GPC6: variants seen among roughly 807,000 people sequenced by gnomAD.
GPC6 encodes the protein glypican-6.
Under a neutral mutation model 55.2 loss-of-function variants are expected in GPC6, and 14 were observed. That is an observed-to-expected ratio of 0.25 (90% confidence interval 0.17 to 0.40). The LOEUF (loss-of-function observed/expected upper bound fraction) is 0.40, where lower values mean the gene tolerates loss of function less well. Among genes scored for constraint, GPC6 ranks in the 10% least tolerant of loss-of-function variants. GPC6 has a pLI of 1.00. For missense variants in GPC6, 641 were observed against 708.5 expected (o/e 0.90, Z 1.08); for synonymous variants, 278 against 259.6 (o/e 1.07, Z -0.68).
chr13:93,792,449 T>A (rs1426814368), intron 2 of GPC6, among the ~76,000 whole-genome samples: 1 of 152,240 alleles, frequency 6.6e-6, no homozygotes, highest in Non-Finnish European at 1.5e-5. Context: ...TAGCTGGGAA[T>A]ACAGGTGTGT....
chr13:94,072,481 G>C (rs910490851), intron 4 of GPC6, among the ~76,000 whole-genome samples: 2 of 152,126 alleles, frequency 1.3e-5, no homozygotes, highest in Non-Finnish European at 2.9e-5. Context: ...AGCCTGCCAA[G>C]TAGCTGGGAC....
At chr13:93,289,498 G>GA (rs2139078188) in intron 1 of GPC6, among the ~76,000 whole-genome samples, 1 of 152,144 alleles carries the variant, frequency 6.6e-6, no homozygotes, top group East Asian at 1.9e-4. Flanking sequence ...CTCTTTTTAA[G>GA]AAAAATAATG....
At chr13:93,939,507 A>G (rs1308629402) in intron 3 of GPC6, among the ~76,000 whole-genome samples, 1 of 151,928 alleles carries the variant, frequency 6.6e-6, no homozygotes, top group Non-Finnish European at 1.5e-5. Context: ...TATATAGGAG[A>G]AGAAAATGCC....
At chr13:93,344,580 C>G (rs190459824) in intron 1 of GPC6, among the ~76,000 whole-genome samples, 18 of 152,280 alleles carry the variant, frequency 1.2e-4, no homozygotes, top group East Asian at 1.2e-3. Context: ...GTGGTTTATT[C>G]TTTCTACAGC....
chr13:93,500,263 A>T (rs1880471612), intron 1 of GPC6, among the ~76,000 whole-genome samples: 1 of 152,202 alleles, frequency 6.6e-6, no homozygotes, highest in African/African-American at 2.4e-5. Flanking sequence ...GATTTATCTG[A>T]TGATTCCTGT....
chr13:93,799,136 A>G (rs993145305), intron 2 of GPC6, among the ~76,000 whole-genome samples: 3 of 152,110 alleles, frequency 2.0e-5, no homozygotes, highest in South Asian at 4.2e-4. Context: ...AAGCAAAAGT[A>G]ACTGCAAATG....
intron 2 of GPC6, among the ~76,000 whole-genome samples, chr13:93,818,074 C>T (rs1886924029): frequency 6.8e-6 from 1 of 146,738 alleles, no homozygotes; most frequent in Non-Finnish European, 1.5e-5. Flanking sequence ...TAATATAAAT[C>T]ATATATATTT....
chr13:93,622,387 A>AT (rs933551326), intron 2 of GPC6, among the ~76,000 whole-genome samples: 11 of 151,962 alleles, frequency 7.2e-5, no homozygotes, highest in Non-Finnish European at 1.5e-4. Context: ...TACATGCCAC[A>AT]TTTTTTTCAA....
intron 1 of GPC6, among the ~76,000 whole-genome samples, chr13:93,518,174 A>G (rs1318161341): frequency 6.6e-6 from 1 of 151,898 alleles, no homozygotes; most frequent in Admixed American, 6.6e-5. Flanking sequence ...TTTTATGTCT[A>G]TCGAAGAGAA....
At chr13:93,650,136 T>A (rs1566468521) in intron 2 of GPC6, among the ~76,000 whole-genome samples, 1 of 152,140 alleles carries the variant, frequency 6.6e-6, no homozygotes, top group African/African-American at 2.4e-5. Flanking sequence ...TCAAATAATC[T>A]ACATTTTTTT....
chr13:93,318,101 G>C (rs1237524891), intron 1 of GPC6, among the ~76,000 whole-genome samples: 1 of 152,136 alleles, frequency 6.6e-6, no homozygotes, highest in Non-Finnish European at 1.5e-5. Flanking sequence ...ACATGGAGTG[G>C]TACTTTACAT....
chr13:93,255,672 C>T (rs1489402106), intron 1 of GPC6, among the ~76,000 whole-genome samples: 3 of 152,154 alleles, frequency 2.0e-5, no homozygotes, highest in Non-Finnish European at 2.9e-5. Flanking sequence ...TGCCAAAAAC[C>T]TTCAACATTT....
intron 1 of GPC6, among the ~76,000 whole-genome samples, chr13:93,440,521 A>T (rs944159521): frequency 6.6e-6 from 1 of 152,258 alleles, no homozygotes; most frequent in East Asian, 1.9e-4. Context: ...CCAAGTACCC[A>T]GGCACCTGCT....
intron 1 of GPC6, among the ~76,000 whole-genome samples, chr13:93,440,139 T>C (rs1877732795): frequency 6.6e-6 from 1 of 152,226 alleles, no homozygotes; most frequent in South Asian, 2.1e-4. Flanking sequence ...TCTTGAGACC[T>C]GATAATCAAG....
intron 4 of GPC6, among the ~76,000 whole-genome samples, chr13:94,184,938 A>T (rs978455848): frequency 6.6e-6 from 1 of 152,242 alleles, no homozygotes; most frequent in Non-Finnish European, 1.5e-5. Flanking sequence ...TGGTACATAT[A>T]TACCATGAAA....
chr13:93,297,669 C>T (rs1878540339), intron 1 of GPC6, among the ~76,000 whole-genome samples: 2 of 151,966 alleles, frequency 1.3e-5, no homozygotes, highest in Non-Finnish European at 2.9e-5. Flanking sequence ...TCCCCACCCT[C>T]CCCCCTTCAC....
intron 2 of GPC6, among the ~76,000 whole-genome samples, chr13:93,722,094 G>C (rs1030485056): frequency 2.6e-5 from 4 of 151,704 alleles, no homozygotes; most frequent in African/African-American, 7.2e-5. Flanking sequence ...AAATAACATT[G>C]TTTTATGGTA....
intron 3 of GPC6, among the ~76,000 whole-genome samples, chr13:93,953,483 C>G (rs946723316): frequency 4.0e-4 from 61 of 152,094 alleles, no homozygotes; most frequent in African/African-American, 1.5e-3. Context: ...CCTGTTTCTC[C>G]TTTTGTAGAA....
intron 3 of GPC6, among the ~76,000 whole-genome samples, chr13:93,901,125 A>G (rs1266007601): frequency 1.3e-5 from 2 of 152,182 alleles, no homozygotes; most frequent in Admixed American, 1.3e-4. Flanking sequence ...TGATCAATTG[A>G]CTAAATGTCC....
Sources: gnomAD v4.1 joint callset for allele counts (sites outside exome capture counted in the v4.1 genomes callset) on GRCh38, gnomAD v4.1.1 for gene constraint, MANE v1.5 for transcripts, NCBI Gene and HGNC (gene_info 2026-07-23, HGNC 2026-07-21) for gene names.